Variants in TNKS observed in about 807,000 individuals in gnomAD.
TNKS encodes the protein poly [ADP-ribose] polymerase tankyrase-1.
A neutral mutation model predicts 135.8 loss-of-function variants in TNKS; 72 were observed. The ratio of observed to expected loss-of-function variants is 0.53; its 90% CI spans 0.44 to 0.64. The LOEUF (loss-of-function observed/expected upper bound fraction) is 0.64. Among genes scored for constraint, TNKS ranks in the 30% least tolerant of loss-of-function variants. The pLI is 0.00. For missense variants in TNKS, 1,769 were observed against 1,674.0 expected (o/e 1.06, Z -0.99); for synonymous variants, 849 against 649.3 (o/e 1.31, Z -4.68).
chr8:9,703,675 A>G (rs943107403), intron 5 of TNKS, among the ~76,000 whole-genome samples: 2 of 152,236 alleles, frequency 1.3e-5, no homozygotes, highest in African/African-American at 4.8e-5. Flanking sequence ...CTTCTTTTGT[A>G]TCTTCACATC....
intron 25 of TNKS, among the ~76,000 whole-genome samples, chr8:9,768,552 G>C (rs553516288): frequency 6.6e-4 from 100 of 152,340 alleles, no homozygotes; most frequent in Admixed American, 1.4e-3. Context: ...GAGCAGACTT[G>C]AGCCAGCTCT....
chr8:9,690,810 A>T (rs575429904), intron 5 of TNKS, among the ~76,000 whole-genome samples: 1 of 152,340 alleles, frequency 6.6e-6, no homozygotes, highest in African/African-American at 2.4e-5. Context: ...CCTAAAGATG[A>T]GTACTTCCAT....
intron 5 of TNKS, among the ~76,000 whole-genome samples, chr8:9,698,792 A>T (rs1803653499): frequency 6.6e-6 from 1 of 152,242 alleles, no homozygotes; most frequent in South Asian, 2.1e-4. Flanking sequence ...TTTATACTGC[A>T]CCGCAAATCT....
chr8:9,767,848 A>G (rs1269587579), intron 25 of TNKS, among the ~76,000 whole-genome samples: 1 of 151,516 alleles, frequency 6.6e-6, no homozygotes, highest in Non-Finnish European at 1.5e-5. Flanking sequence ...AGTCCAAGCT[A>G]CTCGGGAGGC....
At position 9,761,437 on chromosome 8, in the gene TNKS, C is replaced by T. The variant is rs147720165; in HGVS notation, c.3154-79C>T. 2,433 of 1,424,184 alleles carry T rather than the reference C, an allele frequency of 1.7e-3. 33 individuals carry two copies. In the African/African-American group the frequency reaches 0.03, roughly 18 times the overall value. The allele number at this position is 1,424,184 out of a possible 1,614,324, so 88.2% of individuals were successfully genotyped here. A position where few individuals can be genotyped will look rare whatever the true frequency, so the allele number is the denominator to read the frequency against. On this transcript the variant is annotated intron_variant, in intron 20 of 26. Transcript: ENST00000310430. ...TTCTTAATTTGAATGGTACTCGTAGCATTGAAGGCAATTGGAAAAGCTTTT... is the reference window on the plus strand; with the variant it reads ...TTCTTAATTTGAATGGTACTCGTAGTATTGAAGGCAATTGGAAAAGCTTTT...
At chr8:9,693,092 T>C (rs895813471) in intron 5 of TNKS, among the ~76,000 whole-genome samples, 2 of 152,224 alleles carry the variant, frequency 1.3e-5, no homozygotes, top group African/African-American at 4.8e-5. Flanking sequence ...TTTTAATGGC[T>C]AATGTAATAT....
intron 18 of TNKS, 55 bp from the exon 19 acceptor site, chr8:9,751,554 T>G: frequency 6.6e-7 from 1 of 1,507,580 alleles, no homozygotes; most frequent in Non-Finnish European, 9.1e-7. Flanking sequence ...AGTGAAAAAC[T>G]TACCATTTTA....
chr8:9,771,671 A>G (rs1232189281), intron 26 of TNKS, among the ~76,000 whole-genome samples: 1 of 104,088 alleles, frequency 9.6e-6, no homozygotes, highest in African/African-American at 4.0e-5. Flanking sequence ...GAGAGGCAGG[A>G]AGGGAGGGAG....
intron 2 of TNKS, among the ~76,000 whole-genome samples, chr8:9,599,305 A>T (rs138156002): frequency 8.5e-5 from 13 of 152,290 alleles, no homozygotes; most frequent in African/African-American, 3.1e-4. Flanking sequence ...TCTCATTGGG[A>T]TACGAGAGAG....
chr8:9,763,393 T>G (rs1807253076), intron 22 of TNKS, 149 bp downstream of exon 22: 3 of 423,836 alleles, frequency 7.1e-6, no homozygotes, highest in Middle Eastern at 5.6e-4. Context: ...ATTGCCAAAA[T>G]TAAAATATGA....
rs1444681443 is a variant in TNKS, at chr8:9,777,424, G to C, written c.*688G>C. On this transcript the variant is annotated 3_prime_UTR_variant, in exon 27 of 27. Coordinates refer to ENST00000310430, the MANE Select transcript of TNKS (RefSeq NM_003747.3). ...ACATCAAGTTTTAGTACCTTTTTATGAATTGGCCTATCTTACAAGAGAAGG... is the reference window on the plus strand; with the variant it reads ...ACATCAAGTTTTAGTACCTTTTTATCAATTGGCCTATCTTACAAGAGAAGG... The C allele has an allele frequency of 6.6e-6, 1 of 152,288 alleles. No homozygotes were observed. The highest frequency in any genetic ancestry group is 1.5e-5 in the Non-Finnish European group (1 of 68,120). The allele number at this position is 152,288 out of a possible 1,614,324, so 9.4% of individuals were successfully genotyped here.
chr8:9,770,837 T>C (rs1807785012), intron 26 of TNKS, among the ~76,000 whole-genome samples: 1 of 152,128 alleles, frequency 6.6e-6, no homozygotes, highest in African/African-American at 2.4e-5. Flanking sequence ...TTTTAGTAAA[T>C]GTGTTGATGG....
chr8:9,567,545 A>G (rs1484964759), intron 1 of TNKS, among the ~76,000 whole-genome samples: 1 of 152,092 alleles, frequency 6.6e-6, no homozygotes, highest in Non-Finnish European at 1.5e-5. Context: ...CCTCCCGAGT[A>G]GCTGGGACTA....
chr8:9,766,389 C>A lies in TNKS; in HGVS notation c.3704C>A (p.Pro1235His). The change falls in exon 25 of 27, where the codon CCT becomes CAT. Residue 1235 changes from proline to histidine, a missense_variant. Coordinates refer to ENST00000310430, the MANE Select transcript of TNKS (RefSeq NM_003747.3). ...VYGIGGGTGC[P>H]THKDRSCYIC... ...GGAATTGGAGGAGGAACAGGCTGCC[C>A]TACACACAAGGACAGGTCATGCTAT... 16 of 1,613,144 alleles carry A rather than the reference C, an allele frequency of 9.9e-6. No individual in the cohort carries two copies. Among genetic ancestry groups the A allele is most frequent in the Non-Finnish European group, 1.4e-5 (16 of 1,179,520 alleles).
chr8:9,772,833 G>GTC (rs1219236545), intron 26 of TNKS, among the ~76,000 whole-genome samples: 11 of 106,026 alleles, frequency 1.0e-4, no homozygotes, highest in Admixed American at 8.0e-4. Flanking sequence ...GTGTGTGTCT[G>GTC]TGTGTGTGTG....
intron 3 of TNKS, among the ~76,000 whole-genome samples, chr8:9,640,117 T>A (rs1800669385): frequency 6.6e-6 from 1 of 152,066 alleles, no homozygotes; most frequent in African/African-American, 2.4e-5. Context: ...AAAGTTAGGG[T>A]TTCCTTAAAT....
At chr8:9,692,308 C>T (rs1418563916) in intron 5 of TNKS, among the ~76,000 whole-genome samples, 1 of 151,898 alleles carries the variant, frequency 6.6e-6, no homozygotes, top group Non-Finnish European at 1.5e-5. Context: ...TTTGTTGTTC[C>T]TGCATTAGTT....
At chr8:9,627,277 C>T (rs1178677273) in intron 3 of TNKS, among the ~76,000 whole-genome samples, 1 of 152,086 alleles carries the variant, frequency 6.6e-6, no homozygotes, top group Non-Finnish European at 1.5e-5. Flanking sequence ...TATAATAAAC[C>T]AGTAAATGTA....
intron 14 of TNKS, among the ~76,000 whole-genome samples, chr8:9,732,650 T>C (rs1805501863): frequency 6.6e-6 from 1 of 152,214 alleles, no homozygotes; most frequent in African/African-American, 2.4e-5. Flanking sequence ...TTTATTCTTT[T>C]GATGTACTCT....
Sources: gnomAD v4.1 joint callset for allele counts (sites outside exome capture counted in the v4.1 genomes callset) on GRCh38, gnomAD v4.1.1 for gene constraint, MANE v1.5 for transcripts, NCBI Gene and HGNC (gene_info 2026-07-23, HGNC 2026-07-21) for gene names.